SPATA4: variants seen among roughly 807,000 people sequenced by gnomAD.
The protein encoded by SPATA4 is spermatogenesis associated 4, also known as spermatogenesis-associated protein 4.
Under a neutral mutation model 31.8 loss-of-function variants are expected in SPATA4, and 35 were observed. The observed-to-expected ratio is 1.10, with a 90% CI of 0.84 to 1.46. The LOEUF is 1.46. Among genes scored for constraint, SPATA4 ranks in the 40% most tolerant of loss-of-function variants. The pLI, the probability that SPATA4 is intolerant of heterozygous loss-of-function variation, is 0.00. For missense variants in SPATA4, 394 were observed against 363.1 expected, an observed-to-expected ratio of 1.09 and a Z score of -0.69; for synonymous variants, 126 against 132.4, an observed-to-expected ratio of 0.95 and a Z score of 0.33.
chr4:176,185,768 T>C (rs889473321), intron 5 of SPATA4, among the ~76,000 whole-genome samples: 4 of 152,216 alleles, frequency 2.6e-5, no homozygotes, highest in African/African-American at 7.2e-5. Context: ...TAATTTACTA[T>C]GTGCCTAGAT....
In SPATA4 at chr4:176,193,597, T is replaced by G; in HGVS notation, c.219-15A>C. The stretch of plus-strand genomic sequence containing the variant: ...TTGAAAAATCTCTGATCCGTGGCAA[T>G]TAGGAAATGAAATAAAGTGTAGTTA... On this transcript the variant is annotated splice_polypyrimidine_tract_variant and intron_variant, in intron 1 of 5. Coordinates refer to ENST00000280191, the MANE Select transcript of SPATA4 (RefSeq NM_144644.4). 1 of 1,592,404 alleles carries G rather than the reference T, an allele frequency of 6.3e-7. No individual in the cohort carries two copies. Among genetic ancestry groups the G allele is most frequent in the Non-Finnish European group, 8.5e-7 (1 of 1,173,096 alleles).
At chr4:176,188,604 G>A (rs1561239128) in intron 4 of SPATA4, among the ~76,000 whole-genome samples, 1 of 152,080 alleles carries the variant, frequency 6.6e-6, no homozygotes, top group East Asian at 1.9e-4. Context: ...GTACCCCAAA[G>A]CCCCCTCATG....
intron 2 of SPATA4, 103 bp from the exon 3 acceptor site, chr4:176,193,179 A>T: frequency 1.2e-6 from 1 of 854,168 alleles, no homozygotes; most frequent in Non-Finnish European, 1.8e-6. Context: ...CTATGAAGTA[A>T]TTTTTGTGTT....
At chr4:176,192,538 A>G in intron 4 of SPATA4, 89 bp downstream of exon 4, 1 of 1,036,344 alleles carries the variant, frequency 9.6e-7, no homozygotes, top group Non-Finnish European at 1.5e-6. Context: ...AGATAGCAAA[A>G]TGGGCCAGTG....
At chr4:176,185,649 C>G (rs1752429366) in intron 5 of SPATA4, among the ~76,000 whole-genome samples, 1 of 152,114 alleles carries the variant, frequency 6.6e-6, no homozygotes, top group East Asian at 1.9e-4. Flanking sequence ...TTACTCTACT[C>G]TCTTATCAGA....
At position 176,184,873 on chromosome 4, in the gene SPATA4, G is replaced by A; in HGVS notation, c.825C>T (p.Gly275=). Residue 275 remains glycine, a synonymous_variant, in exon 6 of 6, where the codon GGC becomes GGT. Coordinates refer to ENST00000280191, the MANE Select transcript of SPATA4 (RefSeq NM_144644.4). The part of the protein sequence containing the change: ...VPVLPNIGSG[G]SSHREIHVKQ... ...TCACATGTATTTCTCTATGTGAACT[G>A]CCACCACTACCTATATTTGCTGGGA... The A allele has an allele frequency of 1.3e-6, 2 of 1,593,912 alleles. No individual in the cohort carries two copies. Among genetic ancestry groups the A allele is most frequent in the South Asian group, 2.3e-5 (2 of 87,986 alleles).
chr4:176,185,065 A>G (rs922630922), intron 5 of SPATA4, among the ~76,000 whole-genome samples, 173 bp from the exon 6 acceptor site: 3 of 152,190 alleles, frequency 2.0e-5, no homozygotes, highest in Admixed American at 6.5e-5. Flanking sequence ...TATAGTACTC[A>G]TGGATTAAAA....
At chr4:176,194,475 T>A (rs971289124) in intron 1 of SPATA4, 4 of 152,172 alleles carry the variant, frequency 2.6e-5, no homozygotes, top group Non-Finnish European at 4.4e-5. Context: ...GGTTCTGTAG[T>A]ATCCACAGTT....
In SPATA4 at chr4:176,193,395, T is replaced by A. The variant is rs1310573849; in HGVS notation, c.348+58A>T. On this transcript the variant is annotated intron_variant, in intron 2 of 5. Transcript: ENST00000280191. ...CACGTAGAGATCCAGGAAATTAGCA[T>A]GGCACACTTTAAAACAAACATCTTA... The A allele has an allele frequency of 2.5e-6, 4 of 1,579,110 alleles. No homozygotes were observed. In the Admixed American group the frequency reaches 7.3e-5, roughly 29 times the overall value.
At chr4:176,188,282 C>T (rs1402159489) in intron 4 of SPATA4, 47 bp from the exon 5 acceptor site, 2 of 1,221,660 alleles carry the variant, frequency 1.6e-6, no homozygotes, top group Non-Finnish European at 2.3e-6. Context: ...GCCATAATGG[C>T]CATTGTCAAA....
At chr4:176,194,158 TTG>T (rs1450531082) in intron 1 of SPATA4, 2 of 87,252 alleles carry the variant, frequency 2.3e-5, no homozygotes, top group African/African-American at 4.0e-5. Context: ...TGTGGTGCGC[TTG>T]TGTGCAAAGT....
chr4:176,191,556 C>T (rs934592045), intron 4 of SPATA4, among the ~76,000 whole-genome samples: 5 of 152,100 alleles, frequency 3.3e-5, no homozygotes, highest in African/African-American at 9.7e-5. Flanking sequence ...GTGTTTTCAT[C>T]GTTAGTCATC....
intron 1 of SPATA4, among the ~76,000 whole-genome samples, chr4:176,195,033 G>A (rs1194071614): frequency 1.3e-5 from 2 of 152,050 alleles, no homozygotes; most frequent in Non-Finnish European, 2.9e-5. Flanking sequence ...ACTGTGCCCG[G>A]CCGTCCTTAC....
rs924615875 is a variant in SPATA4 at position 176,193,674 on chromosome 4, TA to T, written c.219-93del. 1.0e-4 allele frequency: 129 copies of T among 1,272,834 alleles called. No individual in the cohort carries two copies. In the African/African-American group the frequency reaches 1.8e-3, roughly 17 times the overall value. The allele number at this position is 1,272,834 out of a possible 1,614,324, so 78.8% of individuals were successfully genotyped here. A position where few individuals can be genotyped will look rare whatever the true frequency, so the allele number is the denominator to read the frequency against. ...TTAATACTAGTCTAATATTCCATAC[TA>T]AAAGTATCTTGTAAAGTGAGTGTTG... On this transcript the variant is annotated intron_variant, in intron 1 of 5. Coordinates refer to ENST00000280191, the MANE Select transcript of SPATA4 (RefSeq NM_144644.4).
intron 5 of SPATA4, among the ~76,000 whole-genome samples, chr4:176,187,093 A>T (rs1257625883): frequency 6.6e-6 from 1 of 152,150 alleles, no homozygotes; most frequent in African/African-American, 2.4e-5. Flanking sequence ...TGTCCTAAAT[A>T]TGTCCTCAGA....
At chr4:176,191,208 G>A (rs1752522578) in intron 4 of SPATA4, among the ~76,000 whole-genome samples, 1 of 151,012 alleles carries the variant, frequency 6.6e-6, no homozygotes, top group Non-Finnish European at 1.5e-5. Flanking sequence ...CCATTCTCCT[G>A]CTTCAGCCTC....
rs1297143110 is a variant in SPATA4 at position 176,191,243 on chromosome 4, A to G, written c.688+1384T>C. ...CCCCAGTAGCTGGGATTACAGGCAC[A>G]CGCCACCATGCCCAGCTAATTTTTG... On this transcript the variant is annotated intron_variant, in intron 4 of 5. Transcript: ENST00000280191. 7.9e-5 allele frequency among the ~76,000 whole-genome samples: 12 copies of G among 152,056 alleles called. No homozygotes were observed. The East Asian group carries it at 2.1e-3, about 27-fold the overall frequency.
chr4:176,188,104 A>T lies in SPATA4; in HGVS notation c.805+15T>A. On this transcript the variant is annotated intron_variant, in intron 5 of 5. Transcript: ENST00000280191. Reference sequence around the variant, plus strand: ...AAAAAAAATCAATTTTAAGAAGCAAAGAGTTAAAACTTACGTAAAACAGGG... The same window carrying T: ...AAAAAAAATCAATTTTAAGAAGCAATGAGTTAAAACTTACGTAAAACAGGG... 2 of 1,557,590 alleles carry T rather than the reference A, an allele frequency of 1.3e-6. No individual in the cohort carries two copies. Among genetic ancestry groups the T allele is most frequent in the Non-Finnish European group, 1.8e-6 (2 of 1,132,356 alleles).
rs770385604 is a variant in SPATA4, at chr4:176,195,475, C to T, written c.88G>A (p.Ala30Thr). Residue 30 changes from alanine to threonine, a missense_variant, in exon 1 of 6, where the codon GCT becomes ACT. Physicochemically the swap from Ala to Thr is moderately conservative, Grantham distance 58 (BLOSUM62 0). Coordinates refer to ENST00000280191, the MANE Select transcript of SPATA4 (RefSeq NM_144644.4). The part of the protein sequence containing the change: ...KSPSLSPQLA[A>T]PIRGRPKKCL... ...TTCTTAGGCCTCCCTCGGATGGGAG[C>T]TGCTAGCTGTGGCGAAAGTGACGGT... 2 of 1,614,148 alleles carry T rather than the reference C, an allele frequency of 1.2e-6. No homozygotes were observed.
Sources: gnomAD v4.1 joint callset for allele counts (sites outside exome capture counted in the v4.1 genomes callset) on GRCh38, gnomAD v4.1.1 for gene constraint, MANE v1.5 for transcripts, NCBI Gene and HGNC (gene_info 2026-07-23, HGNC 2026-07-21) for gene names.